Variants in RHOF observed in about 807,000 individuals in gnomAD.
RHOF encodes the protein rho-related GTP-binding protein RhoF.
Under a neutral mutation model 22.2 loss-of-function variants are expected in RHOF, and 21 were observed. The ratio of observed to expected loss-of-function variants is 0.95; its 90% CI spans 0.67 to 1.36. The LOEUF is 1.36. RHOF is among the 40% of genes most tolerant of loss of function. The pLI is 0.00. For missense variants in RHOF, 285 were observed against 293.7 expected (o/e 0.97, Z 0.22); for synonymous variants, 135 against 131.2 (o/e 1.03, Z -0.20).
intron 2 of RHOF, among the ~76,000 whole-genome samples, chr12:121,787,763 G>A (rs1174301760): frequency 2.0e-5 from 3 of 152,046 alleles, no homozygotes; most frequent in South Asian, 2.1e-4. Context: ...TTAGCCGGAT[G>A]TGGTGGCATA....
chr12:121,793,615 G>T lies in RHOF; in HGVS notation c.19C>A (p.Leu7Met). 6.5e-7 allele frequency: 1 copy of T among 1,545,008 alleles called. No homozygotes were observed. Among genetic ancestry groups the T allele is most frequent in the Non-Finnish European group, 8.7e-7 (1 of 1,151,316 alleles). ...GGACCGGGGGCGGCGGTCTGGGCCA[G>T]GGCCCCGGGGGCATCCATTGCCCGG... MDAPGA[L>M]AQTAAPGPGR... The change falls in exon 1 of 5, where the codon CTG becomes ATG. Residue 7 changes from leucine (L) to methionine (M), a missense_variant. Transcript: ENST00000267205.
At chr12:121,784,147 A>G (rs1874547837) in intron 2 of RHOF, among the ~76,000 whole-genome samples, 1 of 152,040 alleles carries the variant, frequency 6.6e-6, no homozygotes, top group South Asian at 2.1e-4. Flanking sequence ...TTAACCATCT[A>G]TATTTTTTCC....
chr12:121,790,033 C>G (rs901287428), intron 2 of RHOF, among the ~76,000 whole-genome samples: 1 of 152,200 alleles, frequency 6.6e-6, no homozygotes, highest in Non-Finnish European at 1.5e-5. Context: ...CCGGTGAGGC[C>G]GACAGAGCAG....
chr12:121,781,138 A>C lies in RHOF; in HGVS notation c.281T>G (p.Val94Gly). 6.2e-7 allele frequency: 1 copy of C among 1,614,214 alleles called. No homozygotes were observed. The highest frequency in any genetic ancestry group is 8.5e-7 in the Non-Finnish European group (1 of 1,180,032). Reference protein sequence around the residue: ...RPLSYQNTHLVLICYDVMNPT... With the variant: ...RPLSYQNTHLGLICYDVMNPT... ...ATTCATGACGTCATAGCAGATGAGC[A>C]CGAGGTGGGTGTTCTGGTAGGACAG... The change falls in exon 3 of 5, where the codon GTG becomes GGG. Residue 94 changes from valine to glycine, a missense_variant. By Grantham distance (109) the Val-to-Gly change is moderately radical. Coordinates refer to ENST00000267205, the MANE Select transcript of RHOF (RefSeq NM_019034.3).
chr12:121,789,656 CAG>C (rs764379225), intron 2 of RHOF, among the ~76,000 whole-genome samples: 15 of 152,272 alleles, frequency 9.9e-5, no homozygotes, highest in Admixed American at 2.6e-4. Flanking sequence ...CCCAGGGAGA[CAG>C]GGGCTGGGCA....
At chr12:121,787,655 A>G (rs181988705) in intron 2 of RHOF, among the ~76,000 whole-genome samples, 371 of 152,208 alleles carry the variant, frequency 2.4e-3, no homozygotes, top group Non-Finnish European at 4.1e-3. Context: ...TAATCCCAGC[A>G]CTTTGGGAGG....
intron 2 of RHOF, among the ~76,000 whole-genome samples, chr12:121,787,589 T>C (rs1000794136): frequency 2.0e-5 from 3 of 152,192 alleles, no homozygotes; most frequent in African/African-American, 7.2e-5. Context: ...TAATATCGAC[T>C]CTCTTTCTCT....
At chr12:121,790,098 G>A (rs776990753) in intron 2 of RHOF, among the ~76,000 whole-genome samples, 4 of 152,286 alleles carry the variant, frequency 2.6e-5, no homozygotes, top group East Asian at 1.9e-4. Flanking sequence ...CCCGTCACCC[G>A]ATCTGCCCTC....
intron 1 of RHOF, 118 bp downstream of exon 1, chr12:121,793,378 C>G: frequency 6.9e-7 from 1 of 1,448,198 alleles, no homozygotes; most frequent in Non-Finnish European, 9.4e-7. Flanking sequence ...CCCGAGGGGG[C>G]GCCCCGGGGT....
chr12:121,781,845 G>A (rs1874469938), intron 2 of RHOF: 1 of 152,484 alleles, frequency 6.6e-6, no homozygotes, highest in Middle Eastern at 3.4e-3. Context: ...ACAGCACCGA[G>A]CGCCCTCCCC....
At position 121,792,141 on chromosome 12, in the gene RHOF, T is replaced by C. The variant is rs1420641467; in HGVS notation, c.226+1011A>G. ...TAGGACAGCCCCTTTTCGGGTCCTC[T>C]CCAAGGTCTAGGTGGGGGTGGAGGT... On this transcript the variant is annotated intron_variant, in intron 2 of 4. Coordinates refer to ENST00000267205, the MANE Select transcript of RHOF (RefSeq NM_019034.3). Among the ~76,000 whole-genome samples the C allele has an allele frequency of 3.0e-5, 4 of 133,118 alleles. No individual in the cohort carries two copies. In the South Asian group the frequency reaches 1.1e-3, roughly 35 times the overall value. The allele number at this position is 133,118 out of a possible 152,430, so 87.3% of individuals were successfully genotyped here.
chr12:121,790,095 C>T lies in RHOF; in HGVS notation c.226+3057G>A, dbSNP rs548069129. 1.1e-4 allele frequency among the ~76,000 whole-genome samples: 16 copies of T among 152,352 alleles called. No individual in the cohort carries two copies. In the South Asian group the frequency reaches 1.4e-3, roughly 14 times the overall value. On this transcript the variant is annotated intron_variant, in intron 2 of 4. Transcript: ENST00000267205. ...CTTCTGAGCCCTGCGAGCCCCGTCACCCGATCTGCCCTCCCTCCGCTGTGG... is the reference window on the plus strand; with the variant it reads ...CTTCTGAGCCCTGCGAGCCCCGTCATCCGATCTGCCCTCCCTCCGCTGTGG...
rs1049297853 is a variant in RHOF at position 121,789,965 on chromosome 12, C to A, written c.226+3187G>T. On this transcript the variant is annotated intron_variant, in intron 2 of 4. Coordinates refer to ENST00000267205, the MANE Select transcript of RHOF (RefSeq NM_019034.3). ...CACAGCCCACCTCACCCCGCCTCCC[C>A]CGGCCCAGGAAACTTCAGACTTCAC... Among the ~76,000 whole-genome samples the A allele has an allele frequency of 2.0e-5, 3 of 152,372 alleles. No individual in the cohort carries two copies. The East Asian group carries it at 5.8e-4, about 29-fold the overall frequency.
chr12:121,793,561 C>T lies in RHOF; in HGVS notation c.73G>A (p.Val25Met), dbSNP rs1404931111. 1 of 1,551,526 alleles carries T rather than the reference C, an allele frequency of 6.4e-7. No homozygotes were observed. The highest frequency in any genetic ancestry group is 1.2e-5 in the South Asian group (1 of 84,596). ...GTCTTGCCGCAGCCGCCGTCGCCCA[C>T]GATCACGATCTTCAGCTCCTTCCTG... ...PGRKELKIVI[V>M]GDGGCGKTSL... Residue 25 changes from valine (V) to methionine (M), a missense_variant, in exon 1 of 5, where the codon GTG (valine) becomes ATG (methionine). By Grantham distance (21) the Val-to-Met change is conservative. Coordinates refer to ENST00000267205, the MANE Select transcript of RHOF (RefSeq NM_019034.3).
intron 2 of RHOF, among the ~76,000 whole-genome samples, chr12:121,787,909 A>AGGGG (rs60048337): frequency 6.1e-4 from 30 of 48,844 alleles, no homozygotes; most frequent in East Asian, 1.2e-3. Flanking sequence ...AAAAAAAAAA[A>AGGGG]GGGGGGGGGG....
chr12:121,782,550 C>G (rs575216075), intron 2 of RHOF: 2 of 152,420 alleles, frequency 1.3e-5, no homozygotes, highest in African/African-American at 4.8e-5. Context: ...CTGGGTGGCA[C>G]CAGCCTGCCC....
At position 121,793,630 on chromosome 12, in the gene RHOF, C is replaced by G. The variant is rs886881447; in HGVS notation, c.4G>C (p.Asp2His). The change falls in exon 1 of 5, where the codon GAT becomes CAT. Residue 2 changes from aspartate (D) to histidine (H), a missense_variant. Physicochemically the swap from Asp to His is moderately conservative, Grantham distance 81. Coordinates refer to ENST00000267205, the MANE Select transcript of RHOF (RefSeq NM_019034.3). M[D>H]APGALAQTAA... is the part of the protein sequence containing the mutation. ...GTCTGGGCCAGGGCCCCGGGGGCATCCATTGCCCGGAGCCCGCAGCACTGG... is the reference window on the plus strand; with the variant it reads ...GTCTGGGCCAGGGCCCCGGGGGCATGCATTGCCCGGAGCCCGCAGCACTGG... 1.3e-6 allele frequency: 2 copies of G among 1,538,374 alleles called. No individual in the cohort carries two copies. The highest frequency in any genetic ancestry group is 1.7e-6 in the Non-Finnish European group (2 of 1,148,364).
chr12:121,793,465 G>A (rs773704722), intron 1 of RHOF, 31 bp downstream of exon 1: 39 of 1,537,510 alleles, frequency 2.5e-5, no homozygotes, highest in Admixed American at 3.9e-5. Context: ...GGCGTCCCTC[G>A]CCCCCACCCC....
chr12:121,793,065 G>T, intron 2 of RHOF, 87 bp downstream of exon 2: 1 of 1,150,304 alleles, frequency 8.7e-7, no homozygotes, highest in Non-Finnish European at 1.3e-6. Flanking sequence ...AGGCTGCAGG[G>T]CGGGGACACC....
Sources: allele counts gnomAD v4.1 joint callset (sites outside exome capture counted in the v4.1 genomes callset), GRCh38; gene constraint gnomAD v4.1.1; transcripts MANE v1.5; gene names NCBI Gene and HGNC (gene_info 2026-07-23, HGNC 2026-07-21).